KIF17: variants seen among roughly 807,000 people sequenced by gnomAD.
The protein encoded by KIF17 is kinesin-like protein KIF17.
A neutral mutation model predicts 96.8 loss-of-function variants in KIF17; 80 were observed. The ratio of observed to expected loss-of-function variants is 0.83; its 90% CI spans 0.69 to 1.00. KIF17 has a LOEUF of 1.00. Ranked by LOEUF, KIF17 falls within the 50% of genes least tolerant of loss-of-function variation. KIF17 has a pLI of 0.00. For synonymous variants in KIF17, 567 were observed against 587.5 expected, an observed-to-expected ratio of 0.97 and a Z score of 0.51; for missense variants, 1,280 against 1,372.9, an observed-to-expected ratio of 0.93 and a Z score of 1.07.
chr1:20,712,847 G>T lies in KIF17; in HGVS notation c.480+607C>A, dbSNP rs1407018227. Among the ~76,000 whole-genome samples the T allele has an allele frequency of 9.4e-4, 13 of 13,806 alleles. 2 individuals are homozygous for T. Among genetic ancestry groups the T allele is most frequent in the Non-Finnish European group, 1.5e-3 (8 of 5,432 alleles). 9.1% of individuals were successfully genotyped at this position (13,806 alleles called of 152,430 possible). On this transcript the variant is annotated intron_variant, in intron 3 of 14. Coordinates refer to ENST00000400463, the MANE Select transcript of KIF17 (RefSeq NM_001122819.3). ...AGATATTATCTATATTATAGATATA[G>T]ATAATATTATCTATATTATAGATAT...
chr1:20,714,218 T>G (rs1373906246), intron 2 of KIF17, among the ~76,000 whole-genome samples: 1 of 152,138 alleles, frequency 6.6e-6, no homozygotes, highest in Non-Finnish European at 1.5e-5. Flanking sequence ...TCCCAGCTAC[T>G]CAGGAGGCTG....
chr1:20,705,723 T>A (rs1299915311), intron 4 of KIF17, among the ~76,000 whole-genome samples: 1 of 152,044 alleles, frequency 6.6e-6, no homozygotes, highest in Non-Finnish European at 1.5e-5. Context: ...GCCTCTGGAA[T>A]CTATCACCAG....
chr1:20,714,522 T>C (rs995506301), intron 2 of KIF17, among the ~76,000 whole-genome samples: 4 of 145,544 alleles, frequency 2.7e-5, no homozygotes, highest in Non-Finnish European at 4.5e-5. Flanking sequence ...AAAGAAAAAG[T>C]GCGGTGGCTG....
chr1:20,684,194 C>T lies in KIF17; in HGVS notation c.2231+615G>A, dbSNP rs552472577. On this transcript the variant is annotated intron_variant, in intron 10 of 14. Coordinates refer to ENST00000400463, the MANE Select transcript of KIF17 (RefSeq NM_001122819.3). ...CCTCTTGGCCCTGCCTGTCCTCCGC[C>T]CTGGCCTGTGGGCCCTTGGGGCTGA... 3.7e-4 allele frequency among the ~76,000 whole-genome samples: 56 copies of T among 152,342 alleles called. No homozygotes were observed. In the East Asian group the frequency reaches 0.01, roughly 27 times the overall value.
At chr1:20,714,796 C>CAAAAAAAA (rs34182653) in intron 2 of KIF17, among the ~76,000 whole-genome samples, 4 of 107,660 alleles carry the variant, frequency 3.7e-5, no homozygotes, top group African/African-American at 1.5e-4. Context: ...GACTCCGTCT[C>CAAAAAAAA]AAAAAAAAAA....
In KIF17 at chr1:20,686,082, G is replaced by A. The variant is rs479323; in HGVS notation, c.1983C>T (p.Pro661=). Residue 661 remains proline (P), a synonymous_variant, in exon 9 of 15, where the codon CCC becomes CCT. Coordinates refer to ENST00000400463, the MANE Select transcript of KIF17 (RefSeq NM_001122819.3). The stretch of plus-strand genomic sequence containing the variant: ...GGAAGTCATCAGCCGCCTCGGCTTC[G>A]GGCCTGGCATCACTGGGCTCCAGCA... ...TDLLEPSDAR[P]EAEAADDFPP... 0.083 allele frequency: 129,875 copies of A among 1,564,270 alleles called. 12,679 individuals are homozygous for A. The highest frequency in any genetic ancestry group is 0.5 in the African/African-American group (36,808 of 73,680).
At chr1:20,666,650 G>A (rs1344620908) in intron 13 of KIF17, among the ~76,000 whole-genome samples, 1 of 152,170 alleles carries the variant, frequency 6.6e-6, no homozygotes, top group Non-Finnish European at 1.5e-5. Flanking sequence ...TCCAACAGGG[G>A]GGCCGGGTTG....
chr1:20,691,125 C>T (rs572354428), intron 6 of KIF17, among the ~76,000 whole-genome samples: 8 of 151,892 alleles, frequency 5.3e-5, no homozygotes, highest in African/African-American at 1.4e-4. Context: ...GGCGAAACCC[C>T]GCCTCTACTA....
At chr1:20,677,322 G>T (rs186353926) in intron 11 of KIF17, among the ~76,000 whole-genome samples, 87 of 152,324 alleles carry the variant, frequency 5.7e-4, no homozygotes, top group Non-Finnish European at 9.1e-4. Context: ...AGGAGAAGTT[G>T]GCATGTCTAG....
intron 6 of KIF17, among the ~76,000 whole-genome samples, chr1:20,697,368 G>A (rs949961346): frequency 9.9e-5 from 15 of 152,216 alleles, no homozygotes; most frequent in Admixed American, 9.8e-4. Flanking sequence ...AACACTTTGG[G>A]AGGTTGAGGT....
At chr1:20,677,921 T>G (rs2053766741) in intron 11 of KIF17, among the ~76,000 whole-genome samples, 1 of 152,214 alleles carries the variant, frequency 6.6e-6, no homozygotes, top group South Asian at 2.1e-4. Flanking sequence ...TATACATTGT[T>G]GTGTGAGAAA....
intron 3 of KIF17, among the ~76,000 whole-genome samples, chr1:20,713,187 G>C (rs1327765714): frequency 2.0e-5 from 3 of 150,710 alleles, no homozygotes; most frequent in African/African-American, 7.3e-5. Context: ...GTAGAGATGG[G>C]TTTTCACCAT....
chr1:20,712,738 ATT>A (rs1173732655), intron 3 of KIF17, among the ~76,000 whole-genome samples: 1 of 27,600 alleles, frequency 3.6e-5, no homozygotes, highest in Non-Finnish European at 8.7e-5. Flanking sequence ...ATCTATATAT[ATT>A]ATATATATAA....
chr1:20,698,525 G>A (rs1250974954), intron 5 of KIF17, 37 bp from the exon 6 acceptor site: 4 of 1,380,422 alleles, frequency 2.9e-6, no homozygotes, highest in East Asian at 2.3e-5. Flanking sequence ...CAGGATGAGG[G>A]GCACATTGTG....
rs761952674 is a variant in KIF17, at chr1:20,704,826, G to A, written c.744C>T (p.Ser248=). Residue 248 remains serine, a synonymous_variant, in exon 5 of 15, where the codon TCC becomes TCT. Transcript: ENST00000400463. The surrounding 1 kb of genome is among the most constrained non-coding windows in gnomAD (Gnocchi z 6.8). ...GCCGCTCGCCCGTGGCCCCGGTCTT[G>A]GACTGCCGCTCGCTGCCCGCCAGGT... ...LVDLAGSERQ[S]KTGATGERLK... 3.2e-5 allele frequency: 52 copies of A among 1,606,394 alleles called. No individual in the cohort carries two copies. The South Asian group carries it at 3.3e-4, about 10-fold the overall frequency.
At chr1:20,671,904 G>A in intron 12 of KIF17, 34 bp downstream of exon 12, 1 of 1,606,922 alleles carries the variant, frequency 6.2e-7, no homozygotes. Context: ...CGTGAAGGAG[G>A]GAGGGGAGGG....
rs1399024137 is a variant in KIF17 at position 20,684,922 on chromosome 1, C to T, written c.2118G>A (p.Gln706=). 1.9e-6 allele frequency: 3 copies of T among 1,596,216 alleles called. No homozygotes were observed. Among genetic ancestry groups the T allele is most frequent in the Non-Finnish European group, 2.6e-6 (3 of 1,172,080 alleles). The change falls in exon 10 of 15, where the codon CAG becomes CAA. Residue 706 remains glutamine, a synonymous_variant. Transcript: ENST00000400463. Reference sequence around the variant, plus strand: ...CAGCTGTGGCCGGCAGGGGCTCAGGCTGAGCCACCAGGGCCACCGGGGCCT... The same window carrying T: ...CAGCTGTGGCCGGCAGGGGCTCAGGTTGAGCCACCAGGGCCACCGGGGCCT... ...EAQAPVALVA[Q]PEPLPATAGV... is the part of the protein sequence containing the mutation.
At chr1:20,690,037 T>A (rs2054010281) in intron 7 of KIF17, 151 bp downstream of exon 7, 2 of 803,508 alleles carry the variant, frequency 2.5e-6, no homozygotes, top group Non-Finnish European at 4.1e-6. Flanking sequence ...ATAGCGAGCA[T>A]AATTGTGGTA....
At chr1:20,712,587 TATATATC>T (rs1411966670) in intron 3 of KIF17, among the ~76,000 whole-genome samples, 53 of 19,584 alleles carry the variant, frequency 2.7e-3, no homozygotes, top group East Asian at 0.01. Flanking sequence ...ATTATCTATA[TATATATC>T]TATATATATC....
Sources: allele counts gnomAD v4.1 joint callset (sites outside exome capture counted in the v4.1 genomes callset), GRCh38; gene constraint gnomAD v4.1.1; non-coding constraint Gnocchi (gnomAD v3.1); transcripts MANE v1.5; gene names NCBI Gene and HGNC (gene_info 2026-07-23, HGNC 2026-07-21).